Variants in YTHDF1 observed in about 807,000 individuals in gnomAD.
The protein encoded by YTHDF1 is YTH domain-containing family protein 1.
In YTHDF1, 16 loss-of-function variants were observed where a neutral mutation model predicts 49.1. That is an observed-to-expected ratio of 0.33 (90% CI 0.22 to 0.49). The LOEUF is 0.49. YTHDF1 is among the 20% of genes least tolerant of loss of function. The pLI is 0.99. For missense variants in YTHDF1, 621 were observed against 744.3 expected, an observed-to-expected ratio of 0.83 and a Z score of 1.93; for synonymous variants, 313 against 290.1, an observed-to-expected ratio of 1.08 and a Z score of -0.80.
intron 4 of YTHDF1, among the ~76,000 whole-genome samples, chr20:63,200,305 G>A (rs746445706): frequency 6.6e-6 from 1 of 151,242 alleles, no homozygotes; most frequent in Non-Finnish European, 1.5e-5. Flanking sequence ...AGGTTGCAGT[G>A]AGCCAAAATT....
intron 3 of YTHDF1, among the ~76,000 whole-genome samples, chr20:63,209,770 T>C (rs1160653710): frequency 6.6e-6 from 1 of 152,130 alleles, no homozygotes; most frequent in Non-Finnish European, 1.5e-5. Flanking sequence ...CATATTAGCC[T>C]AGGCCTACAC....
intron 3 of YTHDF1, among the ~76,000 whole-genome samples, chr20:63,208,175 G>T (rs2066557358): frequency 6.6e-6 from 1 of 152,222 alleles, no homozygotes; most frequent in African/African-American, 2.4e-5. Flanking sequence ...TGACCAAAAG[G>T]AGAGACTAGA....
chr20:63,208,849 A>G (rs1387121823), intron 3 of YTHDF1, among the ~76,000 whole-genome samples: 1 of 152,188 alleles, frequency 6.6e-6, no homozygotes, highest in Non-Finnish European at 1.5e-5. Context: ...GAAGTCCTAG[A>G]TGCTCTGATG....
intron 3 of YTHDF1, among the ~76,000 whole-genome samples, chr20:63,208,680 C>A (rs1601238130): frequency 6.6e-6 from 1 of 152,220 alleles, no homozygotes; most frequent in Non-Finnish European, 1.5e-5. Flanking sequence ...GCCTACTTAG[C>A]AGGCGCTGCC....
At position 63,203,162 on chromosome 20, in the gene YTHDF1, G is replaced by A. The variant is rs769041059; in HGVS notation, c.778C>T (p.Leu260=). Residue 260 remains leucine (L), a synonymous_variant, in exon 4 of 5, where the codon CTG becomes TTG. Coordinates refer to ENST00000370339, the MANE Select transcript of YTHDF1 (RefSeq NM_017798.4). The surrounding 1 kb of genome is among the most constrained non-coding windows in gnomAD (Gnocchi z 4.4). ...TKSGPVMGGG[L]PPPPIKHNMD... ...TTATGCTTTATGGGTGGAGGGGGCA[G>A]CCCACCCCCCATGACAGGCCCGCTC... 5.0e-6 allele frequency: 8 copies of A among 1,613,768 alleles called. No individual in the cohort carries two copies. Among genetic ancestry groups the A allele is most frequent in the Non-Finnish European group, 6.8e-6 (8 of 1,180,024 alleles).
chr20:63,199,528 A>C (rs140314413), intron 4 of YTHDF1, among the ~76,000 whole-genome samples: 101 of 151,888 alleles, frequency 6.6e-4, no homozygotes, highest in Middle Eastern at 3.4e-3. Context: ...TAAAAAAAAA[A>C]AAAACAAAAC....
At chr20:63,211,255 A>T (rs1344238427) in intron 3 of YTHDF1, among the ~76,000 whole-genome samples, 1 of 152,116 alleles carries the variant, frequency 6.6e-6, no homozygotes, top group East Asian at 1.9e-4. Flanking sequence ...GCTTGAGCCC[A>T]TGAGTTCAAG....
chr20:63,197,720 C>T (rs949185298), intron 4 of YTHDF1, among the ~76,000 whole-genome samples: 2 of 151,940 alleles, frequency 1.3e-5, no homozygotes, highest in Non-Finnish European at 2.9e-5. Context: ...CCAGCCTGGG[C>T]AACAGAGAGA....
intron 1 of YTHDF1, 55 bp downstream of exon 1, chr20:63,215,811 A>G: frequency 6.9e-7 from 1 of 1,450,460 alleles, no homozygotes; most frequent in Non-Finnish European, 9.1e-7. Flanking sequence ...CAGGACCTCA[A>G]CCCAGACCCC....
rs1221799197 is a variant in YTHDF1 at position 63,203,603 on chromosome 20, T to C, written c.337A>G (p.Asn113Asp). 1.2e-6 allele frequency: 2 copies of C among 1,614,060 alleles called. No homozygotes were observed. The highest frequency in any genetic ancestry group is 2.2e-5 in the East Asian group (1 of 44,876). The change falls in exon 4 of 5, where the codon AAC (asparagine) becomes GAC (aspartate). Residue 113 changes from asparagine (N) to aspartate (D), a missense_variant. By Grantham distance (23) the Asn-to-Asp change is conservative (BLOSUM62 1). This residue lies in a region of YTHDF1 where 470 missense variants were observed against 495.8 expected (regional missense o/e 0.95). Transcript: ENST00000370339. The surrounding 1 kb of genome is among the most constrained non-coding windows in gnomAD (Gnocchi z 4.4). ...AVFGQPGGLG[N>D]NIYQHRFNFF... ...TTGAACCTGTGCTGATAGATGTTGTTCCCCAGGCCCCCAGGCTGCCCAAAA... is the reference window on the plus strand; with the variant it reads ...TTGAACCTGTGCTGATAGATGTTGTCCCCCAGGCCCCCAGGCTGCCCAAAA...
intron 4 of YTHDF1, among the ~76,000 whole-genome samples, chr20:63,197,978 T>G (rs1464432899): frequency 6.6e-6 from 1 of 152,176 alleles, no homozygotes; most frequent in East Asian, 1.9e-4. Flanking sequence ...GCAGATGTGG[T>G]GTTCCCTGTC....
chr20:63,202,877 G>A lies in YTHDF1; in HGVS notation c.1063C>T (p.Gln355Ter). ...GSDSNSPGNV[Q>*]PNSAPSVESH... ...TCGACGCTGGGGGCAGAATTAGGCT[G>A]GACGTTTCCAGGAGAGTTGCTATCG... Residue 355 changes from glutamine (Q) to a stop codon, truncating the protein, a stop_gained, in exon 4 of 5, where the codon CAG (glutamine) becomes TAG (stop). Transcript: ENST00000370339. LOFTEE classifies it high-confidence loss of function. 1 of 1,613,980 alleles carries A rather than the reference G, an allele frequency of 6.2e-7. No individual in the cohort carries two copies.
chr20:63,202,788 C>G lies in YTHDF1; in HGVS notation c.1152G>C (p.Trp384Cys). 1 of 1,614,150 alleles carries G rather than the reference C, an allele frequency of 6.2e-7. No individual in the cohort carries two copies. The highest frequency in any genetic ancestry group is 8.5e-7 in the Non-Finnish European group (1 of 1,180,050). Residue 384 changes from tryptophan to cysteine, a missense_variant, in exon 4 of 5, where the codon TGG becomes TGC. Physicochemically the swap from Trp to Cys is radical, Grantham distance 215 (BLOSUM62 -2). Coordinates refer to ENST00000370339, the MANE Select transcript of YTHDF1 (RefSeq NM_017798.4). ...TGAACACACGCCCGCTTTTCAGATTCCACTCAAACTCTTTCGGGTTGTAGC... is the reference window on the plus strand; with the variant it reads ...TGAACACACGCCCGCTTTTCAGATTGCACTCAAACTCTTTCGGGTTGTAGC... Reference protein sequence around the residue: ...AHSYNPKEFEWNLKSGRVFII... With the variant: ...AHSYNPKEFECNLKSGRVFII...
In YTHDF1 at chr20:63,198,050, T is replaced by C. The variant is rs375871669; in HGVS notation, c.1654-1316A>G. On this transcript the variant is annotated intron_variant, in intron 4 of 4. Coordinates refer to ENST00000370339, the MANE Select transcript of YTHDF1 (RefSeq NM_017798.4). Reference sequence around the variant, plus strand: ...GATAGGCAGGTCCTACTCTTAAGAATTAACATTTCCTCCCTACCCTCAAAT... The same window carrying C: ...GATAGGCAGGTCCTACTCTTAAGAACTAACATTTCCTCCCTACCCTCAAAT... 4.7e-4 allele frequency among the ~76,000 whole-genome samples: 71 copies of C among 152,202 alleles called. No homozygotes were observed. In the South Asian group the frequency reaches 0.013, roughly 28 times the overall value.
chr20:63,207,239 T>C (rs1465558665), intron 3 of YTHDF1, among the ~76,000 whole-genome samples: 1 of 151,106 alleles, frequency 6.6e-6, no homozygotes, highest in East Asian at 2.0e-4. Context: ...GAGGCTGAGG[T>C]GGACGGATCA....
chr20:63,208,374 T>G (rs1453013633), intron 3 of YTHDF1, among the ~76,000 whole-genome samples: 4 of 152,248 alleles, frequency 2.6e-5, no homozygotes, highest in Non-Finnish European at 4.4e-5. Flanking sequence ...GGAACAGGCC[T>G]ACCAGGATGA....
At chr20:63,212,696 C>G (rs777425367) in intron 3 of YTHDF1, among the ~76,000 whole-genome samples, 1 of 152,228 alleles carries the variant, frequency 6.6e-6, no homozygotes, top group African/African-American at 2.4e-5. Flanking sequence ...TTTGCTGCAA[C>G]AGCAGCACAG....
intron 2 of YTHDF1, 139 bp downstream of exon 2, chr20:63,215,438 G>A: frequency 3.5e-6 from 4 of 1,152,676 alleles, no homozygotes; most frequent in Non-Finnish European, 3.8e-6. Flanking sequence ...TCCCAGAATC[G>A]TCGCACAACC....
At chr20:63,200,222 G>A (rs891695852) in intron 4 of YTHDF1, among the ~76,000 whole-genome samples, 5 of 151,948 alleles carry the variant, frequency 3.3e-5, no homozygotes, top group Admixed American at 3.3e-4. Flanking sequence ...TTAGCTGGGT[G>A]CAGTGGTGGG....
Sources: allele counts gnomAD v4.1 joint callset (sites outside exome capture counted in the v4.1 genomes callset), GRCh38; gene constraint gnomAD v4.1.1; regional missense constraint gnomAD v4.1.1; non-coding constraint Gnocchi (gnomAD v3.1); transcripts MANE v1.5; gene names NCBI Gene and HGNC (gene_info 2026-07-23, HGNC 2026-07-21).